The following MCCC1 variants were observed in gnomAD, a reference collection of about 807,000 sequenced individuals.
MCCC1 encodes methylcrotonoyl-CoA carboxylase subunit alpha, mitochondrial.
MCCC1 carries 64 observed loss-of-function variants against 83.8 expected under a neutral mutation model. The ratio of observed to expected loss-of-function variants is 0.76; its 90% CI spans 0.62 to 0.94. The LOEUF is 0.94. Among genes scored for constraint, MCCC1 ranks in the 40% least tolerant of loss-of-function variants. MCCC1 has a pLI of 0.00. For synonymous variants in MCCC1, 322 were observed against 315.4 expected (o/e 1.02, Z -0.22); for missense variants, 807 against 904.7 (o/e 0.89, Z 1.39).
intron 14 of MCCC1, among the ~76,000 whole-genome samples, chr3:183,031,256 C>A (rs961024772): frequency 2.0e-5 from 3 of 152,114 alleles, no homozygotes; most frequent in Admixed American, 6.6e-5. Context: ...TTGGCCTTTT[C>A]TGAAAATGCA....
At chr3:183,073,532 A>T (rs1333097615) in intron 4 of MCCC1, among the ~76,000 whole-genome samples, 1 of 152,240 alleles carries the variant, frequency 6.6e-6, no homozygotes, top group Admixed American at 6.5e-5. Context: ...TATGAATACT[A>T]CAGAACTGGA....
chr3:183,042,739 T>A (rs962421608), intron 10 of MCCC1, among the ~76,000 whole-genome samples: 1 of 152,240 alleles, frequency 6.6e-6, no homozygotes. Flanking sequence ...GTCTCTATAC[T>A]TACTTTGTCA....
intron 3 of MCCC1, among the ~76,000 whole-genome samples, chr3:183,088,605 A>G (rs777190957): frequency 1.1e-4 from 16 of 152,180 alleles, no homozygotes; most frequent in Non-Finnish European, 1.9e-4. Flanking sequence ...TACTCCCCCC[A>G]TTGCAGTCTC....
At chr3:183,090,589 C>CT (rs1338123368) in intron 3 of MCCC1, among the ~76,000 whole-genome samples, 182 of 144,618 alleles carry the variant, frequency 1.3e-3, no homozygotes, top group Admixed American at 2.1e-3. Context: ...TGGGAAAATT[C>CT]TTTTTTTTTT....
At chr3:183,089,140 C>T (rs1414803179) in intron 3 of MCCC1, among the ~76,000 whole-genome samples, 1 of 152,216 alleles carries the variant, frequency 6.6e-6, no homozygotes, top group Non-Finnish European at 1.5e-5. Flanking sequence ...TAACCACCCT[C>T]ATCAACACTG....
At chr3:183,061,260 T>C (rs941587907) in intron 7 of MCCC1, among the ~76,000 whole-genome samples, 26 of 152,062 alleles carry the variant, frequency 1.7e-4, no homozygotes, top group Non-Finnish European at 3.7e-4. Context: ...TTGTTTTTTT[T>C]CCCCCTCCCC....
At chr3:183,080,792 G>A (rs1028018792) in intron 4 of MCCC1, among the ~76,000 whole-genome samples, 2 of 152,190 alleles carry the variant, frequency 1.3e-5, no homozygotes, top group Non-Finnish European at 2.9e-5. Flanking sequence ...CACAATCATG[G>A]TGGAAAGGCA....
At chr3:183,114,806 A>G (rs781391856) in intron 1 of MCCC1, among the ~76,000 whole-genome samples, 6 of 151,968 alleles carry the variant, frequency 3.9e-5, no homozygotes, top group Non-Finnish European at 7.4e-5. Flanking sequence ...CTGCCTCTCC[A>G]CTGTCTGTTG....
intron 14 of MCCC1, among the ~76,000 whole-genome samples, chr3:183,026,369 G>A (rs1011777416): frequency 6.6e-5 from 10 of 152,096 alleles, no homozygotes; most frequent in East Asian, 3.8e-4. Flanking sequence ...TAAGGTTGTC[G>A]AATATTTTAC....
At chr3:183,062,239 G>A (rs566584882) in intron 7 of MCCC1, among the ~76,000 whole-genome samples, 1 of 152,166 alleles carries the variant, frequency 6.6e-6, no homozygotes, top group Non-Finnish European at 1.5e-5. Flanking sequence ...TCATCTTTTA[G>A]GTGCTCCAGG....
At chr3:183,028,919 A>T (rs1712825629) in intron 14 of MCCC1, among the ~76,000 whole-genome samples, 1 of 152,246 alleles carries the variant, frequency 6.6e-6, no homozygotes, top group Non-Finnish European at 1.5e-5. Context: ...CAGCAACAAG[A>T]TTACATCTCA....
chr3:183,099,086 G>A (rs1328316966), intron 1 of MCCC1: 13 of 575,378 alleles, frequency 2.3e-5, no homozygotes, highest in Non-Finnish European at 3.7e-5. Flanking sequence ...GGAGGATGGC[G>A]GGCCCAGTCC....
chr3:183,041,170 T>C (rs1167816865), intron 11 of MCCC1, among the ~76,000 whole-genome samples: 1 of 152,222 alleles, frequency 6.6e-6, no homozygotes, highest in Non-Finnish European at 1.5e-5. Flanking sequence ...AATTTTTTTA[T>C]TGTTTAGCTT....
chr3:183,084,781 G>T (rs924490596), intron 4 of MCCC1, among the ~76,000 whole-genome samples: 7 of 152,092 alleles, frequency 4.6e-5, no homozygotes, highest in African/African-American at 1.7e-4. Context: ...AATCAGCTGG[G>T]CATGGTGATG....
At chr3:183,081,217 C>A (rs1717469248) in intron 4 of MCCC1, among the ~76,000 whole-genome samples, 1 of 152,234 alleles carries the variant, frequency 6.6e-6, no homozygotes, top group South Asian at 2.1e-4. Context: ...AACAGCACCA[C>A]TACTATTACC....
chr3:183,088,882 CATTTAATCATGTATCT>C (rs1429369312), intron 3 of MCCC1, among the ~76,000 whole-genome samples: 1 of 152,104 alleles, frequency 6.6e-6, no homozygotes. Flanking sequence ...TATCATAGTT[CATTTAATCATGTATCT>C]CTTAATGCGC....
chr3:183,091,290 G>A (rs1267214632), intron 3 of MCCC1, among the ~76,000 whole-genome samples: 2 of 152,184 alleles, frequency 1.3e-5, no homozygotes, highest in Non-Finnish European at 2.9e-5. Context: ...GTGATAGGCT[G>A]GGCGCAGTGG....
At chr3:183,046,591 G>A (rs570735807) in intron 9 of MCCC1, among the ~76,000 whole-genome samples, 23 of 152,006 alleles carry the variant, frequency 1.5e-4, no homozygotes, top group African/African-American at 5.1e-4. Context: ...GTAGAGATGG[G>A]GTTTCACCAT....
chr3:183,029,624 T>C (rs1412753298), intron 14 of MCCC1, among the ~76,000 whole-genome samples: 3 of 152,228 alleles, frequency 2.0e-5, no homozygotes, highest in Non-Finnish European at 4.4e-5. Context: ...TTAAAACAGT[T>C]GGTCATTCTC....
Sources: gnomAD v4.1 joint callset for allele counts (sites outside exome capture counted in the v4.1 genomes callset) on GRCh38, gnomAD v4.1.1 for gene constraint, MANE v1.5 for transcripts, NCBI Gene and HGNC (gene_info 2026-07-23, HGNC 2026-07-21) for gene names.